Variants in DRAM1 observed in about 807,000 individuals in gnomAD.
DRAM1 encodes DNA damage-regulated autophagy modulator protein 1.
In DRAM1, 25 loss-of-function variants were observed where a neutral mutation model predicts 28.5. The observed-to-expected ratio is 0.88, with a 90% CI of 0.64 to 1.23. The LOEUF (loss-of-function observed/expected upper bound fraction) is 1.23. Among genes scored for constraint, DRAM1 ranks in the 50% most tolerant of loss-of-function variants. DRAM1 has a pLI of 0.00. For missense variants in DRAM1, 249 were observed against 299.2 expected (o/e 0.83, Z 1.24); for synonymous variants, 113 against 114.2 (o/e 0.99, Z 0.07).
At position 101,901,317 on chromosome 12, in the gene DRAM1, A is replaced by C; in HGVS notation, c.226A>C (p.Lys76Gln). ...LGAATMYTRYKIVQKQNQTCY... is the reference protein window; with the variant it reads ...LGAATMYTRYQIVQKQNQTCY... Reference sequence around the variant, plus strand: ...TGCAGCCACGATGTATACAAGATACAAAATAGTACAGAAGCAAAATCAAAC... The same window carrying C: ...TGCAGCCACGATGTATACAAGATACCAAATAGTACAGAAGCAAAATCAAAC... The change falls in exon 3 of 7, where the codon AAA becomes CAA. Residue 76 changes from lysine (K) to glutamine (Q), a missense_variant. Transcript: ENST00000258534. 1 of 1,614,188 alleles carries C rather than the reference A, an allele frequency of 6.2e-7. No individual in the cohort carries two copies. The highest frequency in any genetic ancestry group is 8.5e-7 in the Non-Finnish European group (1 of 1,180,030).
intron 3 of DRAM1, among the ~76,000 whole-genome samples, chr12:101,907,808 C>T (rs1037812807): frequency 1.3e-5 from 2 of 152,110 alleles, no homozygotes; most frequent in Non-Finnish European, 2.9e-5. Flanking sequence ...TGCAAACATG[C>T]AAGACTGAGA....
At chr12:101,918,541 T>C (rs998061796) in intron 5 of DRAM1, among the ~76,000 whole-genome samples, 2 of 152,000 alleles carry the variant, frequency 1.3e-5, no homozygotes, top group Non-Finnish European at 2.9e-5. Flanking sequence ...GAGTGAAGAG[T>C]GACGCTCGGA....
intron 4 of DRAM1, among the ~76,000 whole-genome samples, chr12:101,912,280 A>G (rs1163926589): frequency 1.3e-5 from 2 of 152,244 alleles, no homozygotes; most frequent in African/African-American, 4.8e-5. Context: ...GCTGCTCTAG[A>G]GAGCTCCTTA....
At chr12:101,897,043 T>A (rs1227130664) in intron 1 of DRAM1, among the ~76,000 whole-genome samples, 1 of 152,134 alleles carries the variant, frequency 6.6e-6, no homozygotes, top group Non-Finnish European at 1.5e-5. Flanking sequence ...CGCCTCAGCC[T>A]CCCAAAGTGC....
chr12:101,907,291 C>T (rs947533163), intron 3 of DRAM1, among the ~76,000 whole-genome samples: 1 of 151,330 alleles, frequency 6.6e-6, no homozygotes, highest in African/African-American at 2.4e-5. Flanking sequence ...TTTGAGGTGC[C>T]TTGGGAGGGA....
At chr12:101,905,757 T>TTTTA (rs141269206) in intron 3 of DRAM1, among the ~76,000 whole-genome samples, 21,970 of 147,308 alleles carry the variant, frequency 0.15, 2,750 homozygotes, top group African/African-American at 0.34. Flanking sequence ...GCCCATCTGA[T>TTTTA]TTTATTTATT....
chr12:101,899,940 A>G (rs552457596), intron 2 of DRAM1, among the ~76,000 whole-genome samples: 102 of 152,302 alleles, frequency 6.7e-4, no homozygotes, highest in African/African-American at 2.4e-3. Flanking sequence ...ATCTTTGCAT[A>G]TTTGTGTGAG....
At chr12:101,881,765 T>C (rs1436827084) in intron 1 of DRAM1, among the ~76,000 whole-genome samples, 2 of 152,224 alleles carry the variant, frequency 1.3e-5, no homozygotes, top group East Asian at 1.9e-4. Flanking sequence ...TCACCCTTTT[T>C]AAAAATTGCA....
intron 6 of DRAM1, among the ~76,000 whole-genome samples, chr12:101,920,574 C>T (rs142002236): frequency 6.6e-6 from 1 of 152,076 alleles, no homozygotes. Flanking sequence ...TAGGAGGTCT[C>T]ACTTACTAGT....
chr12:101,895,566 A>ATTTTTGAT (rs61325494), intron 1 of DRAM1, among the ~76,000 whole-genome samples: 1 of 103,422 alleles, frequency 9.7e-6, no homozygotes, highest in Admixed American at 1.2e-4. Flanking sequence ...AAGGGAGGCT[A>ATTTTTGAT]TTTTTTTTTT....
At chr12:101,911,745 AT>A (rs61134285) in intron 4 of DRAM1, among the ~76,000 whole-genome samples, 26,327 of 151,634 alleles carry the variant, frequency 0.17, 2,747 homozygotes, top group African/African-American at 0.3. Flanking sequence ...TATCTCAATA[AT>A]TTTTTATATT....
chr12:101,909,430 AT>A (rs1445993848), intron 4 of DRAM1, among the ~76,000 whole-genome samples: 1 of 152,060 alleles, frequency 6.6e-6, no homozygotes, highest in Non-Finnish European at 1.5e-5. Flanking sequence ...ATATGAAAAT[AT>A]TTATTTTTCT....
chr12:101,893,090 G>A (rs2121061616), intron 1 of DRAM1, among the ~76,000 whole-genome samples: 1 of 152,294 alleles, frequency 6.6e-6, no homozygotes, highest in Middle Eastern at 3.4e-3. Flanking sequence ...GGCAGTATTT[G>A]GCAGAAAGGT....
intron 3 of DRAM1, among the ~76,000 whole-genome samples, chr12:101,907,418 T>C (rs1025491629): frequency 5.9e-5 from 9 of 151,874 alleles, no homozygotes; most frequent in African/African-American, 1.7e-4. Flanking sequence ...CCGAAGTTTA[T>C]TGATGACATC....
intron 1 of DRAM1, among the ~76,000 whole-genome samples, chr12:101,888,480 C>T (rs1872969876): frequency 6.6e-6 from 1 of 152,048 alleles, no homozygotes; most frequent in Non-Finnish European, 1.5e-5. Flanking sequence ...ATTGATTTCA[C>T]AAACACATGA....
intron 2 of DRAM1, 75 bp from the exon 3 acceptor site, chr12:101,901,216 A>G (rs771249027): frequency 3.7e-5 from 57 of 1,524,602 alleles, no homozygotes; most frequent in Non-Finnish European, 1.1e-5. Context: ...TTAAAAAGTG[A>G]TACAAAGCTG....
chr12:101,898,609 C>T (rs367545927), intron 2 of DRAM1, among the ~76,000 whole-genome samples: 1 of 152,178 alleles, frequency 6.6e-6, no homozygotes, highest in African/African-American at 2.4e-5. Flanking sequence ...TGAAGGCAAG[C>T]TGATGAAAAG....
intron 6 of DRAM1, 77 bp downstream of exon 6, chr12:101,920,278 T>G: frequency 9.7e-7 from 1 of 1,033,380 alleles, no homozygotes; most frequent in Non-Finnish European, 1.4e-6. Flanking sequence ...ACATTTTGCA[T>G]TTTTAAAAAG....
At chr12:101,901,743 G>A (rs1318697300) in intron 3 of DRAM1, among the ~76,000 whole-genome samples, 1 of 152,050 alleles carries the variant, frequency 6.6e-6, no homozygotes, top group African/African-American at 2.4e-5. Flanking sequence ...GCCAGGTGTG[G>A]CGTCACATGC....
Sources: allele counts gnomAD v4.1 joint callset (sites outside exome capture counted in the v4.1 genomes callset), GRCh38; gene constraint gnomAD v4.1.1; transcripts MANE v1.5; gene names NCBI Gene and HGNC (gene_info 2026-07-23, HGNC 2026-07-21).